Variants in ELAC2 observed in about 807,000 individuals in gnomAD.
ELAC2 encodes zinc phosphodiesterase ELAC protein 2.
ELAC2 carries 92 observed loss-of-function variants against 105.2 expected under a neutral mutation model. The observed-to-expected ratio is 0.87, with a 90% CI of 0.74 to 1.04. The LOEUF (loss-of-function observed/expected upper bound fraction) is 1.04, where lower values mean the gene tolerates loss of function less well. Among genes scored for constraint, ELAC2 ranks in the 50% least tolerant of loss-of-function variants. The pLI is 0.00. For synonymous variants in ELAC2, 468 were observed against 409.1 expected (o/e 1.14, Z -1.74); for missense variants, 1,099 against 1,071.7 (o/e 1.03, Z -0.36).
At chr17:13,015,892 GGAGCACCCCGT>G (rs1355637759) in intron 3 of ELAC2, 60 bp from the exon 4 acceptor site, 56 of 1,290,542 alleles carry the variant, frequency 4.3e-5, no homozygotes, top group Non-Finnish European at 6.1e-5. Context: ...ACTAACAGGA[GGAGCACCCCGT>G]ACTAATCCAA....
At chr17:13,017,565 A>G in intron 1 of ELAC2, 138 bp downstream of exon 1, 2 of 1,464,706 alleles carry the variant, frequency 1.4e-6, no homozygotes, top group East Asian at 2.4e-5. Flanking sequence ...TTTCCCACCC[A>G]CCATAACTCC....
intron 22 of ELAC2, among the ~76,000 whole-genome samples, chr17:12,994,157 G>A (rs1335259769): frequency 6.6e-6 from 1 of 152,166 alleles, no homozygotes; most frequent in African/African-American, 2.4e-5. Context: ...CCTTCCCCTG[G>A]CAATTCCCTG....
chr17:12,993,308 A>C (rs1467137111), intron 23 of ELAC2, among the ~76,000 whole-genome samples: 1 of 152,182 alleles, frequency 6.6e-6, no homozygotes, highest in Non-Finnish European at 1.5e-5. Context: ...GCTCCTGAAA[A>C]ACGAGGCCTG....
chr17:13,005,853 A>C (rs2143626987), intron 9 of ELAC2, 28 bp from the exon 10 acceptor site: 2 of 1,614,110 alleles, frequency 1.2e-6, no homozygotes, highest in Non-Finnish European at 1.7e-6. Context: ...GGCCTCTGTG[A>C]AATGTGATTT....
At position 12,993,066 on chromosome 17, in the gene ELAC2, C is replaced by G. The variant is rs370729050; in HGVS notation, c.2254-21G>C. 1.9e-6 allele frequency: 3 copies of G among 1,599,196 alleles called. No homozygotes were observed. In the African/African-American group the frequency reaches 4.0e-5, roughly 21 times the overall value. ...CAGACCTAGAAGACACAATAGAAGACAAGGACATGTCTCAGAGGGGCAGGG... is the reference window on the plus strand; with the variant it reads ...CAGACCTAGAAGACACAATAGAAGAGAAGGACATGTCTCAGAGGGGCAGGG... On this transcript the variant is annotated intron_variant, in intron 23 of 23. Coordinates refer to ENST00000338034, the MANE Select transcript of ELAC2 (RefSeq NM_018127.7).
At position 13,017,354 on chromosome 17, in the gene ELAC2, T is replaced by A. The variant is rs771813058; in HGVS notation, c.246-233A>T. 105 of 628,556 alleles carry A rather than the reference T, an allele frequency of 1.7e-4. No individual in the cohort carries two copies. In the Middle Eastern group the frequency reaches 2.1e-3, roughly 13 times the overall value. The allele number at this position is 628,556 out of a possible 1,614,324, so 38.9% of individuals were successfully genotyped here. A position where few individuals can be genotyped will look rare whatever the true frequency, so the allele number is the denominator to read the frequency against. On this transcript the variant is annotated intron_variant, in intron 1 of 23. Transcript: ENST00000338034. ...GTGCTAGGACAAAATGAGTCCTTTC[T>A]CCACCACCGGCTACACACCAGATCT...
In ELAC2 at chr17:12,992,523, C is replaced by T. The variant is rs991086033; in HGVS notation, c.*295G>A. On this transcript the variant is annotated 3_prime_UTR_variant, in exon 24 of 24. Transcript: ENST00000338034. ...CTTTGCTGGATTAGAGGAAAGGTGC[C>T]GCCGTCTGTTTCCAAGACTTCTTTA... The T allele has an allele frequency of 5.6e-5, 27 of 485,024 alleles. No individual in the cohort carries two copies. Among genetic ancestry groups the T allele is most frequent in the Middle Eastern group, 5.6e-4 (1 of 1,788 alleles). The allele number at this position is 485,024 out of a possible 1,614,324, so 30.0% of individuals were successfully genotyped here. A position where few individuals can be genotyped will look rare whatever the true frequency, so the allele number is the denominator to read the frequency against.
intron 5 of ELAC2, among the ~76,000 whole-genome samples, chr17:13,013,792 A>C (rs1483176788): frequency 6.6e-6 from 1 of 152,138 alleles, no homozygotes; most frequent in African/African-American, 2.4e-5. Flanking sequence ...TTCAATGTAC[A>C]AAGTTGGCCA....
chr17:12,995,108 A>G, intron 19 of ELAC2, 46 bp from the exon 20 acceptor site: 2 of 1,595,908 alleles, frequency 1.3e-6, no homozygotes, highest in Non-Finnish European at 1.7e-6. Flanking sequence ...CGTTTCTTGG[A>G]CATCTGGAAC....
At position 12,992,340 on chromosome 17, in the gene ELAC2, C is replaced by G. The variant is rs2040224302; in HGVS notation, c.*478G>C. The G allele has an allele frequency of 3.9e-6, 1 of 258,496 alleles. No individual in the cohort carries two copies. Among genetic ancestry groups the G allele is most frequent in the Non-Finnish European group, 7.3e-6 (1 of 136,814 alleles). 16.0% of individuals were successfully genotyped at this position (258,496 alleles called of 1,614,324 possible). Reference sequence around the variant, plus strand: ...AGAGAGCCTTCTCCAAGGTGGTGCACAGCAGACCCTGCTCTGTAGCAGCAG... The same window carrying G: ...AGAGAGCCTTCTCCAAGGTGGTGCAGAGCAGACCCTGCTCTGTAGCAGCAG... On this transcript the variant is annotated 3_prime_UTR_variant, in exon 24 of 24. Coordinates refer to ENST00000338034, the MANE Select transcript of ELAC2 (RefSeq NM_018127.7).
rs115608182 is a variant in ELAC2 at position 12,999,989 on chromosome 17, C to A, written c.1423+167G>T. Among the ~76,000 whole-genome samples, 564 of 152,294 alleles carry A rather than the reference C, an allele frequency of 3.7e-3. 5 individuals carry two copies. The highest frequency in any genetic ancestry group is 0.013 in the African/African-American group (543 of 41,560). ...GGGATTCTTAAACTCCCCAAAGCCCCCTCCTCCAATGACTATAATTCTAAT... is the reference window on the plus strand; with the variant it reads ...GGGATTCTTAAACTCCCCAAAGCCCACTCCTCCAATGACTATAATTCTAAT... On this transcript the variant is annotated intron_variant, in intron 15 of 23. Coordinates refer to ENST00000338034, the MANE Select transcript of ELAC2 (RefSeq NM_018127.7).
intron 7 of ELAC2, 149 bp downstream of exon 7, chr17:13,011,511 TCCC>T: frequency 6.1e-6 from 8 of 1,316,924 alleles, no homozygotes; most frequent in Non-Finnish European, 7.5e-6. Flanking sequence ...CCCTTCTCAT[TCCC>T]CCAACGGGCC....
chr17:13,002,400 G>A (rs769792256), intron 13 of ELAC2, 41 bp from the exon 14 acceptor site: 9 of 1,614,108 alleles, frequency 5.6e-6, no homozygotes, highest in Non-Finnish European at 7.6e-6. Context: ...AAAGAGAGGG[G>A]ACGAGAGCTG....
At position 13,003,592 on chromosome 17, in the gene ELAC2, G is replaced by T. The variant is rs1382193290; in HGVS notation, c.984-18C>A. 5.0e-6 allele frequency: 8 copies of T among 1,609,578 alleles called. No individual in the cohort carries two copies. Among genetic ancestry groups the T allele is most frequent in the Admixed American group, 1.7e-5 (1 of 59,992 alleles). On this transcript the variant is annotated intron_variant, in intron 11 of 23. Coordinates refer to ENST00000338034, the MANE Select transcript of ELAC2 (RefSeq NM_018127.7). ...CTTGGTACCTGGGCAGAAGAGTGGGGCTTTACAAAGTGATGCAGACTCAGG... is the reference window on the plus strand; with the variant it reads ...CTTGGTACCTGGGCAGAAGAGTGGGTCTTTACAAAGTGATGCAGACTCAGG...
rs550391735 is a variant in ELAC2, at chr17:13,011,523, C to T, written c.679+140G>A. 246 of 1,424,884 alleles carry T rather than the reference C, an allele frequency of 1.7e-4. No individual in the cohort carries two copies. The African/African-American group carries it at 3.3e-3, about 19-fold the overall frequency. The allele number at this position is 1,424,884 out of a possible 1,614,324, so 88.3% of individuals were successfully genotyped here. A position where few individuals can be genotyped will look rare whatever the true frequency, so the allele number is the denominator to read the frequency against. ...CAACCCTTCTCATTCCCCCAACGGG[C>T]CAAGTTATAGTAAGCCCAGGAAGAA... On this transcript the variant is annotated intron_variant, in intron 7 of 23. Transcript: ENST00000338034.
In ELAC2 at chr17:13,011,832, C is replaced by T. The variant is rs533909020; in HGVS notation, c.560-50G>A. 22 of 1,613,776 alleles carry T rather than the reference C, an allele frequency of 1.4e-5. No individual in the cohort carries two copies. In the East Asian group the frequency reaches 4.7e-4, roughly 34 times the overall value. On this transcript the variant is annotated intron_variant, in intron 6 of 23. Coordinates refer to ENST00000338034, the MANE Select transcript of ELAC2 (RefSeq NM_018127.7). ...TTACACACTGCACAAGGTGAGCTGACAGCCAAGGCCCAGACGTTCATACAT... is the reference window on the plus strand; with the variant it reads ...TTACACACTGCACAAGGTGAGCTGATAGCCAAGGCCCAGACGTTCATACAT...
chr17:12,995,642 G>A, intron 19 of ELAC2, 61 bp downstream of exon 19: 1 of 1,505,110 alleles, frequency 6.6e-7, no homozygotes, highest in Non-Finnish European at 9.1e-7. Flanking sequence ...TCCACCTTGA[G>A]CTTCTGAAGG....
At chr17:13,017,454 C>G (rs2041806902) in intron 1 of ELAC2, 2 of 759,102 alleles carry the variant, frequency 2.6e-6, no homozygotes, top group Admixed American at 5.8e-5. Flanking sequence ...AAAGTGCTGA[C>G]AGCCAGGCCG....
intron 8 of ELAC2, among the ~76,000 whole-genome samples, chr17:13,008,153 T>TC (rs2041212529): frequency 6.6e-6 from 1 of 151,536 alleles, no homozygotes. Flanking sequence ...TAAGTCGAGA[T>TC]GGCAACACTG....
Sources: allele counts gnomAD v4.1 joint callset (sites outside exome capture counted in the v4.1 genomes callset), GRCh38; gene constraint gnomAD v4.1.1; transcripts MANE v1.5; gene names NCBI Gene and HGNC (gene_info 2026-07-23, HGNC 2026-07-21).